Variants in CPT1A observed in about 807,000 individuals in gnomAD.
CPT1A encodes the protein carnitine O-palmitoyltransferase 1, liver isoform.
A neutral mutation model predicts 100.8 loss-of-function variants in CPT1A; 64 were observed. The observed-to-expected ratio is 0.63, with a 90% CI of 0.52 to 0.78. The LOEUF is 0.78. CPT1A is among the 30% of genes least tolerant of loss of function. CPT1A has a pLI of 0.00. For missense variants in CPT1A, 802 were observed against 1,034.1 expected (o/e 0.78, Z 3.08); for synonymous variants, 363 against 396.0 (o/e 0.92, Z 0.99).
chr11:68,832,483 A>C (rs535528407), intron 1 of CPT1A, among the ~76,000 whole-genome samples: 22 of 150,758 alleles, frequency 1.5e-4, no homozygotes, highest in African/African-American at 3.7e-4. Context: ...AACAAACAAA[A>C]ACCCAGGTCC....
At chr11:68,774,781 C>CAAAAAAA (rs1169875761) in intron 13 of CPT1A, among the ~76,000 whole-genome samples, 1 of 54,264 alleles carries the variant, frequency 1.8e-5, no homozygotes, top group East Asian at 5.0e-4. Flanking sequence ...GACTACATCT[C>CAAAAAAA]AAAAAAAAAA....
In CPT1A at chr11:68,798,636, C is replaced by T. The variant is rs1040622377; in HGVS notation, c.693+582G>A. ...AGCCACACTCAACCCCAGGGAGGGG[C>T]GATCAGCACCGCCCTATCCCACACC... On this transcript the variant is annotated intron_variant, in intron 6 of 18. Transcript: ENST00000265641. 3.9e-5 allele frequency among the ~76,000 whole-genome samples: 6 copies of T among 152,126 alleles called. No individual in the cohort carries two copies. In the East Asian group the frequency reaches 7.8e-4, roughly 20 times the overall value.
At chr11:68,817,565 C>A (rs1856463231) in intron 1 of CPT1A, among the ~76,000 whole-genome samples, 1 of 151,936 alleles carries the variant, frequency 6.6e-6, no homozygotes, top group Non-Finnish European at 1.5e-5. Context: ...GACAGGGAAG[C>A]CAGGAGAAGG....
intron 1 of CPT1A, among the ~76,000 whole-genome samples, chr11:68,835,957 C>T (rs574120156): frequency 4.4e-4 from 67 of 152,348 alleles, no homozygotes; most frequent in Non-Finnish European, 6.0e-4. Context: ...TGCAGGAACA[C>T]GTTCTTTGTC....
At chr11:68,826,412 C>T (rs1213427660) in intron 1 of CPT1A, among the ~76,000 whole-genome samples, 1 of 149,728 alleles carries the variant, frequency 6.7e-6, no homozygotes, top group Non-Finnish European at 1.5e-5. Context: ...GGCCACTGCA[C>T]TCCTAGGTGA....
intron 3 of CPT1A, among the ~76,000 whole-genome samples, chr11:68,811,904 G>C (rs1206285745): frequency 1.3e-5 from 2 of 152,004 alleles, no homozygotes; most frequent in Admixed American, 1.3e-4. Flanking sequence ...TTGGTAGCAA[G>C]AAATAAGCCC....
chr11:68,814,374 T>G (rs533155210), intron 2 of CPT1A, among the ~76,000 whole-genome samples: 1 of 150,868 alleles, frequency 6.6e-6, no homozygotes, highest in Admixed American at 6.6e-5. Flanking sequence ...TGGCGCGATC[T>G]CGGCTCACTG....
chr11:68,841,781 A>G lies in CPT1A; in HGVS notation c.-20T>C. ...GCGGGCGACCGGGCCTCACCGAGTC[A>G]GCTACGGAGGTGCGGCAGCGGCAGC... On this transcript the variant is annotated 5_prime_UTR_variant, in exon 1 of 19. Transcript: ENST00000265641. The surrounding 1 kb of genome is among the most constrained non-coding windows in gnomAD (Gnocchi z 6.3). The G allele has an allele frequency of 1.0e-6, 1 of 990,962 alleles. No individual in the cohort carries two copies. Among genetic ancestry groups the G allele is most frequent in the Non-Finnish European group, 1.2e-6 (1 of 835,576 alleles). The allele number at this position is 990,962 out of a possible 1,614,324, so 61.4% of individuals were successfully genotyped here. A position where few individuals can be genotyped will look rare whatever the true frequency, so the allele number is the denominator to read the frequency against.
chr11:68,773,798 G>C (rs1300637199), intron 13 of CPT1A: 3 of 317,008 alleles, frequency 9.5e-6, no homozygotes, highest in Non-Finnish European at 1.8e-5. Context: ...GATAGAAATG[G>C]AGCTGGTGAC....
Position 68,816,476 on chromosome 11 carries a change from C to A in CPT1A, c.-13-989G>T, listed in dbSNP as rs920727955. Among the ~76,000 whole-genome samples the A allele has an allele frequency of 2.0e-5, 3 of 152,148 alleles. No individual in the cohort carries two copies. The East Asian group carries it at 5.8e-4, about 29-fold the overall frequency. On this transcript the variant is annotated intron_variant, in intron 1 of 18. Coordinates refer to ENST00000265641, the MANE Select transcript of CPT1A (RefSeq NM_001876.4). Reference sequence around the variant, plus strand: ...CAAGCACAGCCCCTGGGGAGAGCATCCCCTGGCCGGCTGCAGAAAACTGCT... The same window carrying A: ...CAAGCACAGCCCCTGGGGAGAGCATACCCTGGCCGGCTGCAGAAAACTGCT...
intron 1 of CPT1A, among the ~76,000 whole-genome samples, chr11:68,817,981 T>C (rs1227828116): frequency 6.6e-6 from 1 of 151,616 alleles, no homozygotes; most frequent in East Asian, 1.9e-4. Flanking sequence ...GGTGGCAGGG[T>C]TTTGTGCTAG....
rs1854618343 is a variant in CPT1A at position 68,761,593 on chromosome 11, A to G, written c.1970T>C (p.Leu657Pro). 6.2e-7 allele frequency: 1 copy of G among 1,614,114 alleles called. No homozygotes were observed. The highest frequency in any genetic ancestry group is 8.5e-7 in the Non-Finnish European group (1 of 1,180,030). ...AMTGSGIDRH[L>P]FCLYVVSKYL... ...TTTAGACACCACGTAAAGGCAGAAG[A>G]GGTGACGATCGATCCCAGAGCCGGT... The change falls in exon 16 of 19, where the codon CTC becomes CCC. Residue 657 changes from leucine to proline, a missense_variant. Physicochemically the swap from Leu to Pro is moderately conservative, Grantham distance 98 (BLOSUM62 -3). Around this residue, in one of 4 missense-constraint regions of CPT1A, gnomAD observed 627 missense variants for 799.3 expected, o/e 0.78. Coordinates refer to ENST00000265641, the MANE Select transcript of CPT1A (RefSeq NM_001876.4).
At chr11:68,809,489 C>A (rs1258087829) in intron 3 of CPT1A, among the ~76,000 whole-genome samples, 3 of 152,104 alleles carry the variant, frequency 2.0e-5, no homozygotes, top group Non-Finnish European at 4.4e-5. Flanking sequence ...ACGGATGACT[C>A]CACTTTTTTA....
chr11:68,816,914 G>GT (rs1566378858), intron 1 of CPT1A, among the ~76,000 whole-genome samples: 2 of 120,526 alleles, frequency 1.7e-5, no homozygotes, highest in Non-Finnish European at 3.3e-5. Flanking sequence ...GTGTGTGTGT[G>GT]GTGTGTGTGT....
chr11:68,774,322 G>A (rs910512787), intron 13 of CPT1A, among the ~76,000 whole-genome samples: 1 of 152,168 alleles, frequency 6.6e-6, no homozygotes, highest in Non-Finnish European at 1.5e-5. Flanking sequence ...ACATGGGTAG[G>A]GGACGGGGGC....
rs750189558 is a variant in CPT1A at position 68,812,527 on chromosome 11, A to G, written c.191T>C (p.Ile64Thr). Residue 64 changes from isoleucine (I) to threonine (T), a missense_variant, in exon 3 of 19, where the codon ATC becomes ACC. This residue lies in a region of CPT1A where 161 missense variants were observed against 183.7 expected (regional missense o/e 0.88). Transcript: ENST00000265641. ...VYPASPSSWL[I>T]VVVGVMTTMY... ...CGTTGTCATCACGCCCACCACCACG[A>G]TAAGCCAACTGGAGGGGCTTGCCGG... 6.2e-7 allele frequency: 1 copy of G among 1,614,176 alleles called. No individual in the cohort carries two copies.
chr11:68,826,069 C>G (rs1401596903), intron 1 of CPT1A, among the ~76,000 whole-genome samples: 1 of 152,180 alleles, frequency 6.6e-6, no homozygotes, highest in Admixed American at 6.5e-5. Flanking sequence ...GCCTTCCCTC[C>G]CTGGCCCTGG....
Position 68,757,675 on chromosome 11 carries a change from A to G in CPT1A, c.2291T>C (p.Leu764Ser). 1.2e-6 allele frequency: 2 copies of G among 1,614,176 alleles called. No homozygotes were observed. The highest frequency in any genetic ancestry group is 1.7e-6 in the Non-Finnish European group (2 of 1,180,004). Residue 764 changes from leucine to serine, a missense_variant, in exon 19 of 19, where the codon TTG becomes TCG. Coordinates refer to ENST00000265641, the MANE Select transcript of CPT1A (RefSeq NM_001876.4). ...LKEAMTDIITLFGLSSNSKK is the reference protein window; with the variant it reads ...LKEAMTDIITSFGLSSNSKK ...TTTGGAATTAGAACTGAGACCAAACAAAGTGATGATGTCAGTCATTGCTTC... is the reference window on the plus strand; with the variant it reads ...TTTGGAATTAGAACTGAGACCAAACGAAGTGATGATGTCAGTCATTGCTTC...
In CPT1A at chr11:68,794,858, G is replaced by T; in HGVS notation, c.825C>A (p.Ala275=). Residue 275 remains alanine (A), a synonymous_variant, in exon 8 of 19, where the codon GCC becomes GCA. Transcript: ENST00000265641. ...GCCTGTAAAGCAGGATGGCATGGAT[G>T]GCGTTGCCGGCTCTTGCTGCCTGAA... ...THIQAARAGN[A]IHAILLYRRK... 6.2e-7 allele frequency: 1 copy of T among 1,614,228 alleles called. No individual in the cohort carries two copies. The highest frequency in any genetic ancestry group is 8.5e-7 in the Non-Finnish European group (1 of 1,180,044).
Sources: gnomAD v4.1 joint callset for allele counts (sites outside exome capture counted in the v4.1 genomes callset) on GRCh38, gnomAD v4.1.1 for gene constraint, gnomAD v4.1.1 regional missense constraint, Gnocchi (gnomAD v3.1) non-coding constraint, MANE v1.5 for transcripts, NCBI Gene and HGNC (gene_info 2026-07-23, HGNC 2026-07-21) for gene names.